NUCB2: variants seen among roughly 807,000 people sequenced by gnomAD.
The protein encoded by NUCB2 is nucleobindin 2, also known as nucleobindin-2.
NUCB2 carries 48 observed loss-of-function variants against 57.9 expected under a neutral mutation model. That is an observed-to-expected ratio of 0.83 (90% confidence interval 0.66 to 1.05). NUCB2 has a LOEUF of 1.05. Ranked by LOEUF, NUCB2 falls within the 50% of genes least tolerant of loss-of-function variation. The probability of loss-of-function intolerance (pLI) is 0.00; values close to 1 mark genes in which losing one functional copy is unlikely to be tolerated. For missense variants in NUCB2, 442 were observed against 476.2 expected, an observed-to-expected ratio of 0.93 and a Z score of 0.67; for synonymous variants, 139 against 152.1, an observed-to-expected ratio of 0.91 and a Z score of 0.64.
At chr11:17,309,751 A>G (rs894401424) in intron 6 of NUCB2, 76 bp downstream of exon 6, 11 of 863,872 alleles carry the variant, frequency 1.3e-5, no homozygotes, top group Non-Finnish European at 1.8e-5. Context: ...ACCCAATGAA[A>G]TGGAAATATA....
intron 4 of NUCB2, among the ~76,000 whole-genome samples, chr11:17,296,835 G>A (rs1945896602): frequency 6.6e-6 from 1 of 152,150 alleles, no homozygotes; most frequent in South Asian, 2.1e-4. Context: ...AAGGGGTTTG[G>A]GTCATTATCT....
intron 1 of NUCB2, among the ~76,000 whole-genome samples, chr11:17,282,259 T>TCTATC (rs1555062027): frequency 3.1e-4 from 23 of 73,038 alleles, no homozygotes; most frequent in Admixed American, 6.9e-4. Context: ...TATATATATA[T>TCTATC]TTTTTTTTTT....
intron 10 of NUCB2, among the ~76,000 whole-genome samples, chr11:17,314,437 T>C (rs1354929998): frequency 6.6e-6 from 1 of 152,220 alleles, no homozygotes; most frequent in African/African-American, 2.4e-5. Context: ...GACTTCATCC[T>C]TGCCTTGCTC....
chr11:17,348,678 A>G (rs1485735941), intron 2 of NUCB2, among the ~76,000 whole-genome samples: 1 of 151,770 alleles, frequency 6.6e-6, no homozygotes, highest in Non-Finnish European at 1.5e-5. Flanking sequence ...TGCTTTAGCC[A>G]TCGCTGAATT....
chr11:17,314,576 C>T (rs1351466402), intron 10 of NUCB2, among the ~76,000 whole-genome samples: 1 of 152,188 alleles, frequency 6.6e-6, no homozygotes, highest in Non-Finnish European at 1.5e-5. Context: ...CAAGGTTTTA[C>T]TTCCACCGAG....
intron 11 of NUCB2, among the ~76,000 whole-genome samples, chr11:17,316,216 C>T (rs1949226371): frequency 6.6e-6 from 1 of 152,088 alleles, no homozygotes; most frequent in Admixed American, 6.6e-5. Flanking sequence ...GTGATTCACC[C>T]ACCTCAGCCT....
intron 11 of NUCB2, among the ~76,000 whole-genome samples, chr11:17,321,896 T>C (rs956382001): frequency 6.6e-6 from 1 of 152,226 alleles, no homozygotes; most frequent in Admixed American, 6.6e-5. Context: ...ATGTCTTCTT[T>C]CGAGAAATGT....
intron 1 of NUCB2, among the ~76,000 whole-genome samples, chr11:17,279,018 C>T (rs1180879165): frequency 6.6e-6 from 1 of 152,142 alleles, no homozygotes. Flanking sequence ...CATGGTGAAA[C>T]CCCGTCTTTA....
intron 2 of NUCB2, among the ~76,000 whole-genome samples, chr11:17,288,270 G>A (rs1944129735): frequency 6.6e-6 from 1 of 152,144 alleles, no homozygotes; most frequent in African/African-American, 2.4e-5. Flanking sequence ...AAAAAGCACG[G>A]TGGTGTAATT....
chr11:17,295,301 C>A (rs985100462), intron 2 of NUCB2, 23 bp from the exon 3 acceptor site: 1 of 1,592,226 alleles, frequency 6.3e-7, no homozygotes, highest in South Asian at 1.1e-5. Flanking sequence ...CATGACTTTA[C>A]CATAATTACT....
At chr11:17,338,674 A>T (rs996563949) in intron 2 of NUCB2, among the ~76,000 whole-genome samples, 1 of 151,652 alleles carries the variant, frequency 6.6e-6, no homozygotes, top group African/African-American at 2.4e-5. Context: ...ATTTTATTTT[A>T]TTTTTTTGAG....
At chr11:17,333,846 CAAAG>C (rs1240533609), downstream of NUCB2, 1 of 152,192 alleles carries the variant, frequency 6.6e-6, no homozygotes, top group Admixed American at 6.5e-5. Context: ...ATATGGTAGA[CAAAG>C]AGCAATTCTC....
chr11:17,345,589 C>T (rs926516959), intron 2 of NUCB2, among the ~76,000 whole-genome samples: 1 of 152,044 alleles, frequency 6.6e-6, no homozygotes, highest in Admixed American at 6.6e-5. Context: ...CGCCTGTAAT[C>T]CCAGCTACTC....
intron 4 of NUCB2, among the ~76,000 whole-genome samples, chr11:17,297,816 G>C (rs1432264847): frequency 2.0e-5 from 3 of 152,162 alleles, no homozygotes; most frequent in Non-Finnish European, 4.4e-5. Context: ...GTGTGTGGTG[G>C]CTCACGCCTG....
At chr11:17,333,827 G>T (rs1355615984), downstream of NUCB2, 1 of 152,160 alleles carries the variant, frequency 6.6e-6, no homozygotes, top group Non-Finnish European at 1.5e-5. Context: ...TTTGGGACTT[G>T]GTCAATTTAT....
At chr11:17,298,551 CAG>C (rs1192625316) in intron 4 of NUCB2, among the ~76,000 whole-genome samples, 5 of 151,478 alleles carry the variant, frequency 3.3e-5, no homozygotes, top group Admixed American at 6.6e-5. Context: ...CCGCATGACA[CAG>C]AGCGAGACCT....
intron 11 of NUCB2, among the ~76,000 whole-genome samples, chr11:17,328,115 C>G (rs375341031): frequency 1.3e-5 from 2 of 152,202 alleles, no homozygotes; most frequent in South Asian, 4.1e-4. Context: ...GGCCCAAAGT[C>G]CAGTAATTCT....
chr11:17,325,658 G>A (rs1359897716), intron 11 of NUCB2, among the ~76,000 whole-genome samples: 2 of 152,080 alleles, frequency 1.3e-5, no homozygotes, highest in Non-Finnish European at 2.9e-5. Flanking sequence ...GAAAAGTTTA[G>A]TTGATTTACT....
intron 1 of NUCB2, among the ~76,000 whole-genome samples, chr11:17,278,914 C>T (rs908748022): frequency 2.0e-5 from 3 of 152,092 alleles, no homozygotes; most frequent in Admixed American, 6.6e-5. Context: ...TCCTTTAGGC[C>T]GGGCATGGTG....
Sources: gnomAD v4.1 joint callset for allele counts (sites outside exome capture counted in the v4.1 genomes callset) on GRCh38, gnomAD v4.1.1 for gene constraint, MANE v1.5 for transcripts, NCBI Gene and HGNC (gene_info 2026-07-23, HGNC 2026-07-21) for gene names.